Variants in EXOSC2 observed in about 807,000 individuals in gnomAD.
The protein encoded by EXOSC2 is exosome complex component RRP4.
A neutral mutation model predicts 37.6 loss-of-function variants in EXOSC2; 29 were observed. The observed-to-expected ratio is 0.77, with a 90% CI of 0.57 to 1.05. EXOSC2 has a LOEUF of 1.05. Among genes scored for constraint, EXOSC2 ranks in the 50% least tolerant of loss-of-function variants. The pLI is 0.00. For missense variants in EXOSC2, 346 were observed against 365.6 expected, an observed-to-expected ratio of 0.95 and a Z score of 0.44; for synonymous variants, 119 against 131.1, an observed-to-expected ratio of 0.91 and a Z score of 0.63.
In EXOSC2 at chr9:130,702,197, C is replaced by G; in HGVS notation, c.559C>G (p.His187Asp). 3 of 1,614,166 alleles carry G rather than the reference C, an allele frequency of 1.9e-6. No individual in the cohort carries two copies. Among genetic ancestry groups the G allele is most frequent in the Non-Finnish European group, 2.5e-6 (3 of 1,180,036 alleles). ...SLVKRQKTHF[H>D]DLPCGASVIL... ...GGTGAAACGGCAGAAGACCCACTTT[C>G]ATGATTTGCCATGTGGTGCCTCAGT... The change falls in exon 7 of 9, where the codon CAT (histidine) becomes GAT (aspartate). Residue 187 changes from histidine to aspartate, a missense_variant. Transcript: ENST00000372358.
upstream of EXOSC2, chr9:130,693,769 C>T: frequency 1.9e-6 from 3 of 1,591,694 alleles, no homozygotes; most frequent in African/African-American, 1.3e-5. Flanking sequence ...TGAGCTGCGC[C>T]TGCGCAACTC....
At chr9:130,700,803 G>C in intron 5 of EXOSC2, 64 bp from the exon 6 acceptor site, 1 of 1,494,764 alleles carries the variant, frequency 6.7e-7, no homozygotes, top group South Asian at 1.1e-5. Context: ...CAAGGGGAGA[G>C]GCTGCAGAGG....
At chr9:130,699,586 A>G in intron 5 of EXOSC2, 192 bp downstream of exon 5, 2 of 618,950 alleles carry the variant, frequency 3.2e-6, no homozygotes, top group Non-Finnish European at 5.8e-6. Flanking sequence ...TCTTGTTGGG[A>G]CCTGCTGCTA....
At chr9:130,702,585 G>T (rs570358145) in intron 7 of EXOSC2, among the ~76,000 whole-genome samples, 2 of 151,738 alleles carry the variant, frequency 1.3e-5, no homozygotes, top group Admixed American at 6.6e-5. Flanking sequence ...CTGTTTTTTT[G>T]TTTGTTTGTT....
In EXOSC2 at chr9:130,700,942, C is replaced by T. The variant is rs185974439; in HGVS notation, c.495+7C>T. ...GAGCCTGAAATATGGAAAAGTAAGTCGGGCTCTTGATGTTCCTGTTTGCTG... is the reference window on the plus strand; with the variant it reads ...GAGCCTGAAATATGGAAAAGTAAGTTGGGCTCTTGATGTTCCTGTTTGCTG... On this transcript the variant is annotated splice_region_variant and intron_variant, in intron 6 of 8. Coordinates refer to ENST00000372358, the MANE Select transcript of EXOSC2 (RefSeq NM_014285.7). 559 of 1,613,844 alleles carry T rather than the reference C, an allele frequency of 3.5e-4. 1 individual carries two copies. The highest frequency in any genetic ancestry group is 4.5e-4 in the Non-Finnish European group (534 of 1,179,808).
chr9:130,699,564 T>C (rs929154929), intron 5 of EXOSC2, 170 bp downstream of exon 5: 54 of 685,952 alleles, frequency 7.9e-5, no homozygotes, highest in Middle Eastern at 8.3e-4. Context: ...TAATTCAGGC[T>C]GACTCCCCAG....
rs768598729 is a variant in EXOSC2 at position 130,699,405 on chromosome 9, C to G, written c.426+11C>G. On this transcript the variant is annotated intron_variant, in intron 5 of 8. Coordinates refer to ENST00000372358, the MANE Select transcript of EXOSC2 (RefSeq NM_014285.7). ...GGGGACCTTATCAGTGTATCCTGCG[C>G]TTTGCACTCCAGCCTCTTGATGCTT... 2 of 1,613,640 alleles carry G rather than the reference C, an allele frequency of 1.2e-6. No homozygotes were observed. The highest frequency in any genetic ancestry group is 3.3e-5 in the Admixed American group (2 of 60,026).
chr9:130,700,839 C>T (rs1479374575), intron 5 of EXOSC2, 28 bp from the exon 6 acceptor site: 17 of 1,612,088 alleles, frequency 1.1e-5, no homozygotes, highest in Non-Finnish European at 1.4e-5. Flanking sequence ...GCCAAGGCTG[C>T]TGTTTGTTCC....
Position 130,696,861 on chromosome 9 carries a change from C to T in EXOSC2, c.225-721C>T, listed in dbSNP as rs146503108. On this transcript the variant is annotated intron_variant, in intron 2 of 8. Transcript: ENST00000372358. The stretch of plus-strand genomic sequence containing the variant: ...TGAGCAACTGAGGGGATGGAGTCAC[C>T]GTTGACTGAGATGGGGACAACTCAT... Among the ~76,000 whole-genome samples the T allele has an allele frequency of 4.1e-3, 618 of 152,102 alleles. 7 individuals are homozygous for T. The highest frequency in any genetic ancestry group is 0.014 in the African/African-American group (580 of 41,512).
chr9:130,702,022 A>T (rs1325303049), intron 6 of EXOSC2, 112 bp from the exon 7 acceptor site: 5 of 1,467,110 alleles, frequency 3.4e-6, no homozygotes, highest in Non-Finnish European at 4.5e-6. Flanking sequence ...GACAGCAATT[A>T]TAAACAGGAA....
At chr9:130,699,420 T>A in intron 5 of EXOSC2, 26 bp downstream of exon 5, 2 of 1,609,340 alleles carry the variant, frequency 1.2e-6, no homozygotes, top group Non-Finnish European at 1.7e-6. Flanking sequence ...CACTCCAGCC[T>A]CTTGATGCTT....
chr9:130,697,511 C>A, intron 2 of EXOSC2, 71 bp from the exon 3 acceptor site: 1 of 1,480,284 alleles, frequency 6.8e-7, no homozygotes, highest in South Asian at 1.1e-5. Flanking sequence ...GAACCGACAT[C>A]TCAAATGGTG....
chr9:130,695,601 C>A lies in EXOSC2; in HGVS notation c.224+8C>A. 1 of 1,613,094 alleles carries A rather than the reference C, an allele frequency of 6.2e-7. No individual in the cohort carries two copies. The highest frequency in any genetic ancestry group is 8.5e-7 in the Non-Finnish European group (1 of 1,179,080). ...GAAAGCTTTGAAAACCAGGTGAGAA[C>A]AAAAGGTGTGTATTCCCTTTCTTGC... On this transcript the variant is annotated splice_region_variant and intron_variant, in intron 2 of 8. Coordinates refer to ENST00000372358, the MANE Select transcript of EXOSC2 (RefSeq NM_014285.7).
chr9:130,701,978 T>C, intron 6 of EXOSC2, 156 bp from the exon 7 acceptor site: 5 of 1,434,334 alleles, frequency 3.5e-6, no homozygotes, highest in Non-Finnish European at 4.6e-6. Flanking sequence ...AAGCGTTCTC[T>C]GCAAAAATGT....
At chr9:130,699,502 T>A in intron 5 of EXOSC2, 108 bp downstream of exon 5, 1 of 1,140,608 alleles carries the variant, frequency 8.8e-7, no homozygotes, top group Non-Finnish European at 1.3e-6. Flanking sequence ...CTTGCAGGGA[T>A]CCGAGTCTTA....
chr9:130,698,053 C>G lies in EXOSC2; in HGVS notation c.271-109C>G. 1.9e-6 allele frequency: 2 copies of G among 1,035,004 alleles called. No individual in the cohort carries two copies. Among genetic ancestry groups the G allele is most frequent in the Non-Finnish European group, 3.0e-6 (2 of 672,502 alleles). 64.1% of individuals were successfully genotyped at this position (1,035,004 alleles called of 1,614,324 possible). ...AAGTGATCCACCAGCTTCGGCCTCC[C>G]AAAGTGCTGGGATTACAGGCGTGAG... is the stretch of plus-strand genomic sequence containing the variant. On this transcript the variant is annotated intron_variant, in intron 3 of 8. Transcript: ENST00000372358. The surrounding 1 kb of genome is among the most constrained non-coding windows in gnomAD (Gnocchi z 4.1).
At chr9:130,697,195 G>A (rs1393534311) in intron 2 of EXOSC2, among the ~76,000 whole-genome samples, 1 of 152,234 alleles carries the variant, frequency 6.6e-6, no homozygotes, top group Non-Finnish European at 1.5e-5. Context: ...AGTAAGTGGA[G>A]GAGACGTGAG....
rs1430076200 is a variant in EXOSC2 at position 130,703,744 on chromosome 9, AC to A, written c.853del (p.Arg285AlafsTer64). 1 of 1,613,962 alleles carries A rather than the reference AC, an allele frequency of 6.2e-7. No individual in the cohort carries two copies. Among genetic ancestry groups the A allele is most frequent in the Middle Eastern group, 1.6e-4 (1 of 6,062 alleles). Reference sequence around the variant, plus strand: ...TAATGGAGGAGATTGTGATGGAAACACGCCAGAGGCTTTTGGAACAGGAGGG... The same window carrying A: ...TAATGGAGGAGATTGTGATGGAAACAGCCAGAGGCTTTTGGAACAGGAGGG... ...EIMEEIVMET[R>X]QRLLEQEG On this transcript the variant is annotated frameshift_variant, in exon 9 of 9. Coordinates refer to ENST00000372358, the MANE Select transcript of EXOSC2 (RefSeq NM_014285.7). LOFTEE classifies it high-confidence loss of function.
rs1588198304 is a variant in EXOSC2, at chr9:130,698,563, A to G, written c.360+312A>G. Among the ~76,000 whole-genome samples, 1 of 152,232 alleles carries G rather than the reference A, an allele frequency of 6.6e-6. No individual in the cohort carries two copies. Among genetic ancestry groups the G allele is most frequent in the Non-Finnish European group, 1.5e-5 (1 of 68,044 alleles). The stretch of plus-strand genomic sequence containing the variant: ...TCCTTTTTGGATATAACAGCCTTGC[A>G]TAGTGAAGATGTTCCTTGAAAAGTT... On this transcript the variant is annotated intron_variant, in intron 4 of 8. Transcript: ENST00000372358. This position sits in a 1 kb window ranked among gnomAD's most constrained non-coding sequence, Gnocchi z 4.1.
Sources: gnomAD v4.1 joint callset for allele counts (sites outside exome capture counted in the v4.1 genomes callset) on GRCh38, gnomAD v4.1.1 for gene constraint, Gnocchi (gnomAD v3.1) non-coding constraint, MANE v1.5 for transcripts, NCBI Gene and HGNC (gene_info 2026-07-23, HGNC 2026-07-21) for gene names.